Variants in ERC2 observed in about 807,000 individuals in gnomAD.
ERC2 encodes ERC protein 2.
A neutral mutation model predicts 114.8 loss-of-function variants in ERC2; 42 were observed. That is an observed-to-expected ratio of 0.37 (90% CI 0.29 to 0.47). ERC2 has a LOEUF of 0.47. ERC2 is among the 20% of genes least tolerant of loss of function. The probability of loss-of-function intolerance (pLI) is 0.99; values close to 1 mark genes in which losing one functional copy is unlikely to be tolerated. For synonymous variants in ERC2, 454 were observed against 425.5 expected, an observed-to-expected ratio of 1.07 and a Z score of -0.82; for missense variants, 939 against 1,150.7, an observed-to-expected ratio of 0.82 and a Z score of 2.66.
intron 1 of ERC2, among the ~76,000 whole-genome samples, chr3:56,458,481 AG>A (rs2107555045): frequency 6.6e-6 from 1 of 152,346 alleles, no homozygotes; most frequent in Non-Finnish European, 1.5e-5. Flanking sequence ...ATGTATAAAA[AG>A]AGAGTTATTT....
At chr3:56,271,170 C>A (rs577652307) in intron 3 of ERC2, among the ~76,000 whole-genome samples, 26 of 152,196 alleles carry the variant, frequency 1.7e-4, no homozygotes, top group Non-Finnish European at 3.2e-4. Flanking sequence ...TTGTCTCTGT[C>A]AGGGCATGCA....
intron 17 of ERC2, among the ~76,000 whole-genome samples, chr3:55,569,119 A>AC (rs2056552746): frequency 6.6e-6 from 1 of 152,170 alleles, no homozygotes; most frequent in South Asian, 2.1e-4. Flanking sequence ...GGGGCTGCAC[A>AC]TTACCTTTGA....
chr3:55,745,614 A>C (rs2066257232), intron 14 of ERC2, among the ~76,000 whole-genome samples: 1 of 152,188 alleles, frequency 6.6e-6, no homozygotes, highest in African/African-American at 2.4e-5. Context: ...TTTCTATGTG[A>C]AATACACCTA....
At chr3:56,272,016 T>C (rs949695681) in intron 3 of ERC2, among the ~76,000 whole-genome samples, 14 of 152,218 alleles carry the variant, frequency 9.2e-5, no homozygotes, top group Middle Eastern at 3.2e-3. Context: ...CATTATTATA[T>C]ATAATCATAA....
chr3:55,655,717 G>C (rs955733250), intron 17 of ERC2, among the ~76,000 whole-genome samples: 3 of 152,090 alleles, frequency 2.0e-5, no homozygotes, highest in Non-Finnish European at 4.4e-5. Context: ...CCTTCCTGAG[G>C]GTCTGAGTCA....
rs559414060 is a variant in ERC2, at chr3:55,898,053, T to C, written c.2404-9504A>G. On this transcript the variant is annotated intron_variant, in intron 13 of 17. Coordinates refer to ENST00000288221, the MANE Select transcript of ERC2 (RefSeq NM_015576.3). ...TCACATTCTCCCTTTCCTCTTCTCT[T>C]CTCAGGCCTATTAACAAAACTTCAC... 2.6e-5 allele frequency among the ~76,000 whole-genome samples: 4 copies of C among 152,170 alleles called. No individual in the cohort carries two copies. In the South Asian group the frequency reaches 8.3e-4, roughly 31 times the overall value.
intron 2 of ERC2, among the ~76,000 whole-genome samples, chr3:56,414,930 G>A (rs546466670): frequency 4.6e-5 from 7 of 152,244 alleles, no homozygotes; most frequent in Non-Finnish European, 8.8e-5. Flanking sequence ...TCAACCAAGG[G>A]GTGGACCAGA....
At chr3:55,977,254 C>A (rs889345253) in intron 12 of ERC2, among the ~76,000 whole-genome samples, 1 of 152,066 alleles carries the variant, frequency 6.6e-6, no homozygotes, top group East Asian at 1.9e-4. Context: ...AAGTATGATA[C>A]AAAATTCAGA....
At chr3:55,765,433 C>G (rs1177147687) in intron 14 of ERC2, among the ~76,000 whole-genome samples, 1 of 152,202 alleles carries the variant, frequency 6.6e-6, no homozygotes, top group Non-Finnish European at 1.5e-5. Flanking sequence ...CAAATTCATA[C>G]TTAATCTAGA....
chr3:56,277,678 T>C (rs1331579776), intron 3 of ERC2, among the ~76,000 whole-genome samples: 2 of 151,856 alleles, frequency 1.3e-5, no homozygotes, highest in South Asian at 2.1e-4. Context: ...GGGTTCAGGA[T>C]TTCCGTTCAC....
chr3:55,604,141 G>T (rs940872603), intron 17 of ERC2, among the ~76,000 whole-genome samples: 3 of 152,094 alleles, frequency 2.0e-5, no homozygotes, highest in Non-Finnish European at 4.4e-5. Flanking sequence ...TGCTAGCATT[G>T]TGAGGGCATT....
intron 13 of ERC2, among the ~76,000 whole-genome samples, chr3:55,920,674 T>G (rs1485976976): frequency 2.0e-5 from 3 of 152,142 alleles, no homozygotes; most frequent in Non-Finnish European, 2.9e-5. Flanking sequence ...TATCTGCTTC[T>G]AATACAATTT....
chr3:55,931,916 T>C (rs2066117757), intron 13 of ERC2, among the ~76,000 whole-genome samples: 1 of 152,214 alleles, frequency 6.6e-6, no homozygotes. Flanking sequence ...TTTCTGCATT[T>C]GTACTGTACT....
intron 2 of ERC2, among the ~76,000 whole-genome samples, chr3:56,375,515 G>A (rs1452140371): frequency 6.6e-6 from 1 of 152,130 alleles, no homozygotes; most frequent in African/African-American, 2.4e-5. Flanking sequence ...CTAGGCCTTG[G>A]GGATACAGCA....
At chr3:55,699,329 T>C in intron 16 of ERC2, 49 bp downstream of exon 16, 1 of 1,607,368 alleles carries the variant, frequency 6.2e-7, no homozygotes, top group East Asian at 2.2e-5. Context: ...TATCTTAAAA[T>C]ATCTAAAGGG....
chr3:55,848,884 C>A (rs2061467333), intron 14 of ERC2, among the ~76,000 whole-genome samples: 2 of 152,222 alleles, frequency 1.3e-5, no homozygotes, highest in Non-Finnish European at 1.5e-5. Flanking sequence ...AGTGTGCCCA[C>A]ATCTTCTTCA....
intron 2 of ERC2, among the ~76,000 whole-genome samples, chr3:56,388,178 A>G (rs1174539755): frequency 1.3e-5 from 2 of 152,132 alleles, no homozygotes; most frequent in African/African-American, 2.4e-5. Flanking sequence ...GACCCCTCCA[A>G]AGCTCACATC....
chr3:56,110,545 C>T (rs2078905178), intron 6 of ERC2, among the ~76,000 whole-genome samples: 1 of 151,956 alleles, frequency 6.6e-6, no homozygotes, highest in Non-Finnish European at 1.5e-5. Flanking sequence ...ATAAATGCAA[C>T]TATATTTAAT....
chr3:56,019,489 C>T (rs1448629008), intron 7 of ERC2, among the ~76,000 whole-genome samples: 4 of 152,168 alleles, frequency 2.6e-5, no homozygotes, highest in Non-Finnish European at 4.4e-5. Context: ...TTCACTTACT[C>T]CTTTATTTCA....
Sources: allele counts gnomAD v4.1 joint callset (sites outside exome capture counted in the v4.1 genomes callset), GRCh38; gene constraint gnomAD v4.1.1; transcripts MANE v1.5; gene names NCBI Gene and HGNC (gene_info 2026-07-23, HGNC 2026-07-21).